The following SRRM3 variants were observed in gnomAD, a reference collection of about 807,000 sequenced individuals.
SRRM3 encodes the protein serine/arginine repetitive matrix 3.
A neutral mutation model predicts 66.2 loss-of-function variants in SRRM3; 27 were observed. The observed-to-expected ratio is 0.41, with a 90% CI of 0.30 to 0.56. SRRM3 has a LOEUF of 0.56. Ranked by LOEUF, SRRM3 falls within the 20% of genes least tolerant of loss-of-function variation. The probability of loss-of-function intolerance (pLI) is 0.32; values close to 1 mark genes in which losing one functional copy is unlikely to be tolerated. For missense variants in SRRM3, 918 were observed against 991.9 expected (o/e 0.93, Z 1.00); for synonymous variants, 391 against 414.9 (o/e 0.94, Z 0.70).
chr7:76,253,313 C>T (rs1801626149), intron 3 of SRRM3, among the ~76,000 whole-genome samples: 1 of 152,068 alleles, frequency 6.6e-6, no homozygotes, highest in East Asian at 1.9e-4. Context: ...ATGGAGAAAC[C>T]TCATTTCTAC....
Position 76,223,048 on chromosome 7 carries a change from G to C in SRRM3, c.-39-11980G>C, listed in dbSNP as rs143942246. Reference sequence around the variant, plus strand: ...TATGCTTCAAGATCTCTCCTCCAGGGAGACCTCCTAGCTATGCTCCTCTCC... The same window carrying C: ...TATGCTTCAAGATCTCTCCTCCAGGCAGACCTCCTAGCTATGCTCCTCTCC... On this transcript the variant is annotated intron_variant, in intron 1 of 14. Coordinates refer to ENST00000611745, the MANE Select transcript of SRRM3 (RefSeq NM_001110199.3). 1.0e-3 allele frequency among the ~76,000 whole-genome samples: 152 copies of C among 152,154 alleles called. 2 individuals carry two copies. The highest frequency in any genetic ancestry group is 2.8e-3 in the Admixed American group (43 of 15,278).
At chr7:76,281,402 C>A in intron 11 of SRRM3, 39 bp from the exon 12 acceptor site, 1 of 1,206,316 alleles carries the variant, frequency 8.3e-7, no homozygotes, top group Non-Finnish European at 1.0e-6. Flanking sequence ...TCGTCTCCCT[C>A]TCCCCCCTCC....
chr7:76,224,466 C>G (rs1031613077), intron 1 of SRRM3, among the ~76,000 whole-genome samples: 1 of 112,442 alleles, frequency 8.9e-6, no homozygotes. Flanking sequence ...TAGAGCCTCC[C>G]TGGTCTCTTT....
At chr7:76,263,658 G>A (rs1285512260) in intron 8 of SRRM3, among the ~76,000 whole-genome samples, 7 of 151,984 alleles carry the variant, frequency 4.6e-5, no homozygotes, top group Non-Finnish European at 8.8e-5. Flanking sequence ...CCAGGAGTTC[G>A]AGACCAGCCT....
At chr7:76,274,069 C>T (rs1802277337) in intron 11 of SRRM3, among the ~76,000 whole-genome samples, 1 of 152,250 alleles carries the variant, frequency 6.6e-6, no homozygotes, top group South Asian at 2.1e-4. Flanking sequence ...CCTCCTCACC[C>T]TTCATCCCTG....
In SRRM3 at chr7:76,239,158, G is replaced by A. The variant is rs192392471; in HGVS notation, c.233+3859G>A. Among the ~76,000 whole-genome samples, 682 of 151,940 alleles carry A rather than the reference G, an allele frequency of 4.5e-3. 10 individuals are homozygous for A. The highest frequency in any genetic ancestry group is 0.016 in the African/African-American group (652 of 41,434). On this transcript the variant is annotated intron_variant, in intron 2 of 14. Transcript: ENST00000611745. ...AGCCATTCTCCTGCCTCAGCCTTCCGAGTAGCTGGGACTATAGGAGCACGC... is the reference window on the plus strand; with the variant it reads ...AGCCATTCTCCTGCCTCAGCCTTCCAAGTAGCTGGGACTATAGGAGCACGC...
chr7:76,227,823 T>C (rs1188140617), intron 1 of SRRM3, among the ~76,000 whole-genome samples: 1 of 152,204 alleles, frequency 6.6e-6, no homozygotes, highest in Non-Finnish European at 1.5e-5. Flanking sequence ...ATTCCTGTAA[T>C]AGGGACCTCA....
rs782107269 is a variant in SRRM3, at chr7:76,267,332, C to G, written c.905C>G (p.Pro302Arg). The G allele has an allele frequency of 2.2e-5, 34 of 1,537,926 alleles. No individual in the cohort carries two copies. In the South Asian group the frequency reaches 3.1e-4, roughly 14 times the overall value. Residue 302 changes from proline (P) to arginine (R), a missense_variant, in exon 11 of 15, where the codon CCG becomes CGG. By Grantham distance (103) the Pro-to-Arg change is moderately radical (BLOSUM62 -2). Coordinates refer to ENST00000611745, the MANE Select transcript of SRRM3 (RefSeq NM_001110199.3). ...QRSSGSRSPS[P>R]SGGSGWGSPQ... ...TCCAGCGGAAGCCGGTCGCCTTCCC[C>G]GTCGGGCGGCAGCGGATGGGGGTCG...
chr7:76,271,845 T>C (rs1413722198), intron 11 of SRRM3, among the ~76,000 whole-genome samples: 4 of 152,174 alleles, frequency 2.6e-5, no homozygotes, highest in African/African-American at 9.7e-5. Context: ...CTTCCTGCTC[T>C]CTCATGTCCC....
chr7:76,237,500 G>A (rs915930821), intron 2 of SRRM3, among the ~76,000 whole-genome samples: 9 of 152,130 alleles, frequency 5.9e-5, no homozygotes, highest in African/African-American at 1.9e-4. Flanking sequence ...GCTTGAACCC[G>A]CGAAGCAGAG....
chr7:76,283,204 A>G, intron 14 of SRRM3, 103 bp downstream of exon 14: 1 of 919,244 alleles, frequency 1.1e-6, no homozygotes, highest in Non-Finnish European at 1.4e-6. Context: ...GATCCACTGA[A>G]CCTGGCACGG....
intron 1 of SRRM3, among the ~76,000 whole-genome samples, chr7:76,210,858 A>G (rs1800415017): frequency 1.3e-5 from 2 of 151,690 alleles, no homozygotes; most frequent in South Asian, 2.1e-4. Flanking sequence ...GCTGGAGTGC[A>G]GTGGGGCAAT....
Position 76,261,545 on chromosome 7 carries a change from G to A in SRRM3, c.639-1G>A. On this transcript the variant is annotated splice_acceptor_variant, in intron 7 of 14. Coordinates refer to ENST00000611745, the MANE Select transcript of SRRM3 (RefSeq NM_001110199.3). LOFTEE classifies it high-confidence loss of function. ...AAGAGAACTCCTTTATCGCCCTACA[G>A]GTCTGATTCTGGGTCCCGGAGGAAG... is the stretch of plus-strand genomic sequence containing the variant. The A allele has an allele frequency of 6.2e-7, 1 of 1,611,840 alleles. No individual in the cohort carries two copies. Among genetic ancestry groups the A allele is most frequent in the South Asian group, 1.1e-5 (1 of 90,534 alleles).
In SRRM3 at chr7:76,281,585, AGGCGGCGGCGGC is replaced by A. The variant is rs1165004777; in HGVS notation, c.1161_1172del (p.Arg392_Arg395del). On this transcript the variant is annotated inframe_deletion, in exon 12 of 15. Coordinates refer to ENST00000611745, the MANE Select transcript of SRRM3 (RefSeq NM_001110199.3). ...AGGCCGCGCGGCGGGCGGGGCGGGC[AGGCGGCGGCGGC>A]GGCGGCGTAGGCGGCGGCGCTCGCG... 49 of 981,996 alleles carry A rather than the reference AGGCGGCGGCGGC, an allele frequency of 5.0e-5. No individual in the cohort carries two copies. The highest frequency in any genetic ancestry group is 5.3e-5 in the Non-Finnish European group (44 of 829,112). 60.8% of individuals were successfully genotyped at this position (981,996 alleles called of 1,614,324 possible).
intron 1 of SRRM3, among the ~76,000 whole-genome samples, chr7:76,223,261 G>A (rs1460537292): frequency 6.6e-6 from 1 of 152,168 alleles, no homozygotes; most frequent in African/African-American, 2.4e-5. Flanking sequence ...TGGTCCTCTG[G>A]TCCTTACCCC....
Position 76,204,588 on chromosome 7 carries a change from G to A in SRRM3, c.-40+2521G>A, listed in dbSNP as rs140349660. 1.6e-3 allele frequency among the ~76,000 whole-genome samples: 240 copies of A among 152,260 alleles called. 2 individuals are homozygous for A. The highest frequency in any genetic ancestry group is 5.6e-3 in the African/African-American group (234 of 41,550). On this transcript the variant is annotated intron_variant, in intron 1 of 14. Transcript: ENST00000611745. ...CCCGATTCTCCAGGCTCCCCAGGGC[G>A]AGAATCAATCCAGGCACTGTAGGCC... is the stretch of plus-strand genomic sequence containing the variant.
intron 1 of SRRM3, among the ~76,000 whole-genome samples, chr7:76,202,689 A>G (rs1476921547): frequency 6.6e-6 from 1 of 152,146 alleles, no homozygotes; most frequent in East Asian, 1.9e-4. Flanking sequence ...CCCCCACCCC[A>G]ACCACGGACG....
At chr7:76,215,625 G>GTT (rs143948708) in intron 1 of SRRM3, among the ~76,000 whole-genome samples, 30 of 119,162 alleles carry the variant, frequency 2.5e-4, no homozygotes, top group Admixed American at 3.5e-4. Flanking sequence ...GCCCAGTCTG[G>GTT]TTTTTTTTTT....
intron 1 of SRRM3, among the ~76,000 whole-genome samples, chr7:76,221,450 C>T (rs1336460020): frequency 1.3e-5 from 2 of 149,244 alleles, no homozygotes; most frequent in Non-Finnish European, 3.0e-5. Context: ...GCAAGCTCTG[C>T]CTCCCAGGTT....
Sources: gnomAD v4.1 joint callset for allele counts (sites outside exome capture counted in the v4.1 genomes callset) on GRCh38, gnomAD v4.1.1 for gene constraint, MANE v1.5 for transcripts, NCBI Gene and HGNC (gene_info 2026-07-23, HGNC 2026-07-21) for gene names.